CEP135: variants seen among roughly 807,000 people sequenced by gnomAD.
CEP135 encodes the protein centrosomal protein of 135 kDa.
Under a neutral mutation model 157.3 loss-of-function variants are expected in CEP135, and 142 were observed. That is an observed-to-expected ratio of 0.90 (90% CI 0.79 to 1.04). The LOEUF is 1.04. Ranked by LOEUF, CEP135 falls within the 50% of genes least tolerant of loss-of-function variation. The pLI, the probability that CEP135 is intolerant of heterozygous loss-of-function variation, is 0.00. For synonymous variants in CEP135, 396 were observed against 439.8 expected, an observed-to-expected ratio of 0.90 and a Z score of 1.25; for missense variants, 1,317 against 1,309.2, an observed-to-expected ratio of 1.01 and a Z score of -0.09.
intron 25 of CEP135, among the ~76,000 whole-genome samples, chr4:56,024,991 T>C (rs1298046088): frequency 6.6e-6 from 1 of 151,788 alleles, no homozygotes; most frequent in Non-Finnish European, 1.5e-5. Context: ...ATACAAAAAT[T>C]AGCCAGGCAT....
chr4:56,019,271 A>C, intron 22 of CEP135, 82 bp from the exon 23 acceptor site: 1 of 1,043,020 alleles, frequency 9.6e-7, no homozygotes, highest in South Asian at 1.7e-5. Flanking sequence ...ATAGTTCCAC[A>C]GAGCTATATT....
intron 18 of CEP135, among the ~76,000 whole-genome samples, chr4:56,008,605 C>A (rs941590165): frequency 2.0e-5 from 3 of 152,138 alleles, no homozygotes; most frequent in Non-Finnish European, 4.4e-5. Flanking sequence ...ATTAACTATT[C>A]TCCTATATAC....
Position 56,019,469 on chromosome 4 carries a change from A to C in CEP135, c.3129A>C (p.Lys1043Asn), listed in dbSNP as rs201480537. Residue 1043 changes from lysine to asparagine, a missense_variant, in exon 23 of 26, where the codon AAA becomes AAC. Transcript: ENST00000257287. ...LESLLATNRD[K>N]EFHSHLTSHE... ...CATTGTTGGCTACAAACAGAGATAA[A>C]GAATTTCATTCTCACTTAACCTCCC... is the stretch of plus-strand genomic sequence containing the variant. 3.6e-5 allele frequency: 58 copies of C among 1,614,080 alleles called. No individual in the cohort carries two copies. The East Asian group carries it at 7.4e-4, about 20-fold the overall frequency.
At position 55,985,284 on chromosome 4, in the gene CEP135, A is replaced by T. The variant is rs766487835; in HGVS notation, c.1783A>T (p.Ile595Phe). 1.9e-6 allele frequency: 3 copies of T among 1,546,344 alleles called. No individual in the cohort carries two copies. The Admixed American group carries it at 5.1e-5, about 26-fold the overall frequency. ...TTTCTTTAACATTCTTTTTCAGCAT[A>T]TTGAAGAAGTGAGTCTTTTTGGAAA... is the stretch of plus-strand genomic sequence containing the variant. ...KEALREKLEH[I>F]EEVSLFGKSE... Residue 595 changes from isoleucine to phenylalanine, a missense_variant, in exon 14 of 26, where the codon ATT becomes TTT. By Grantham distance (21) the Ile-to-Phe change is conservative. Coordinates refer to ENST00000257287, the MANE Select transcript of CEP135 (RefSeq NM_025009.5).
chr4:55,974,909 A>G lies in CEP135; in HGVS notation c.1413A>G (p.Arg471=). The G allele has an allele frequency of 6.2e-7, 1 of 1,613,246 alleles. No homozygotes were observed. Among genetic ancestry groups the G allele is most frequent in the Non-Finnish European group, 8.5e-7 (1 of 1,179,588 alleles). The change falls in exon 11 of 26, where the codon AGA becomes AGG. Residue 471 remains arginine, a synonymous_variant. Coordinates refer to ENST00000257287, the MANE Select transcript of CEP135 (RefSeq NM_025009.5). The part of the protein sequence containing the change: ...LERLQHIIQR[R]SCSTSYSARE... ...GACTCCAACATATAATACAGCGAAG[A>G]TCTTGCTCTACAAGTTATAGCGCAC...
intron 1 of CEP135, 120 bp from the exon 2 acceptor site, chr4:55,951,966 G>T: frequency 2.2e-6 from 1 of 460,296 alleles, no homozygotes; most frequent in Non-Finnish European, 4.0e-6. Flanking sequence ...TTTCCAGAAG[G>T]CTACCTACCT....
chr4:56,017,717 G>T lies in CEP135; in HGVS notation c.2872G>T (p.Glu958Ter). Residue 958 changes from glutamate to a stop codon, truncating the protein, a stop_gained, in exon 22 of 26, where the codon GAA becomes TAA. Transcript: ENST00000257287. LOFTEE classifies it high-confidence loss of function. Reference sequence around the variant, plus strand: ...GGCAAAAGCCATGTCTCGATTAGAAGAAGAGCTGAGACATCAAGAAGATGA... The same window carrying T: ...GGCAAAAGCCATGTCTCGATTAGAATAAGAGCTGAGACATCAAGAAGATGA... Reference protein sequence around the residue: ...SMAKAMSRLEEELRHQEDEKA... With the variant: ...SMAKAMSRLE 6.2e-7 allele frequency: 1 copy of T among 1,613,878 alleles called. No individual in the cohort carries two copies.
Position 55,957,208 on chromosome 4 carries a change from A to C in CEP135, c.473-15A>C. On this transcript the variant is annotated splice_polypyrimidine_tract_variant and intron_variant, in intron 4 of 25. Coordinates refer to ENST00000257287, the MANE Select transcript of CEP135 (RefSeq NM_025009.5). ...TTGTTTCTTCTTAGTTTTTTAAGAC[A>C]CTCATTCTTTTTAGGTGGCAAGAAA... The C allele has an allele frequency of 5.6e-6, 9 of 1,609,834 alleles. No individual in the cohort carries two copies. The highest frequency in any genetic ancestry group is 7.6e-6 in the Non-Finnish European group (9 of 1,178,938).
intron 8 of CEP135, 45 bp downstream of exon 8, chr4:55,965,904 C>T: frequency 6.9e-7 from 1 of 1,459,428 alleles, no homozygotes; most frequent in Non-Finnish European, 9.5e-7. Flanking sequence ...CATTAATTCT[C>T]CTAGCACACG....
intron 13 of CEP135, among the ~76,000 whole-genome samples, chr4:55,984,343 C>T (rs1242804480): frequency 2.0e-5 from 3 of 152,098 alleles, no homozygotes; most frequent in Non-Finnish European, 4.4e-5. Flanking sequence ...TCTTTAAGTC[C>T]AGGCCAAACA....
chr4:55,963,613 G>C (rs1300014967), intron 6 of CEP135, among the ~76,000 whole-genome samples: 1 of 152,160 alleles, frequency 6.6e-6, no homozygotes, highest in Non-Finnish European at 1.5e-5. Context: ...AGGCGTGGTG[G>C]CACATACCTG....
intron 3 of CEP135, 146 bp from the exon 4 acceptor site, chr4:55,954,067 TAGA>T (rs1394246890): frequency 2.6e-5 from 16 of 614,922 alleles, no homozygotes; most frequent in Non-Finnish European, 3.8e-5. Context: ...TTAATAATAG[TAGA>T]AGAAGGAATA....
chr4:56,011,472 C>T lies in CEP135; in HGVS notation c.2566C>T (p.His856Tyr), dbSNP rs766370342. 1.1e-5 allele frequency: 18 copies of T among 1,611,314 alleles called. No individual in the cohort carries two copies. The highest frequency in any genetic ancestry group is 1.4e-5 in the Non-Finnish European group (16 of 1,179,340). ...AAAAGAAGAAATGAAGAGCAGAGTT[C>T]ATAAATACATAACAGAGGTGTCACG... ...QEKEEMKSRV[H>Y]KYITEVSRWE... The change falls in exon 20 of 26, where the codon CAT becomes TAT. Residue 856 changes from histidine to tyrosine, a missense_variant. His to Tyr is a moderately conservative substitution (Grantham distance 83, BLOSUM62 2). Coordinates refer to ENST00000257287, the MANE Select transcript of CEP135 (RefSeq NM_025009.5).
intron 8 of CEP135, 102 bp from the exon 9 acceptor site, chr4:55,968,961 A>G: frequency 1.3e-6 from 1 of 746,864 alleles, no homozygotes; most frequent in Non-Finnish European, 2.1e-6. Context: ...CTCACTGGTA[A>G]GAGGGAACGT....
At chr4:55,976,153 C>T (rs1286319401) in intron 11 of CEP135, among the ~76,000 whole-genome samples, 1 of 151,108 alleles carries the variant, frequency 6.6e-6, no homozygotes, top group African/African-American at 2.4e-5. Flanking sequence ...ACTAGGAAGG[C>T]TGAGGCAAGG....
intron 18 of CEP135, 114 bp from the exon 19 acceptor site, chr4:56,009,618 TTTC>T: frequency 1.2e-6 from 1 of 859,194 alleles, no homozygotes; most frequent in East Asian, 2.8e-5. Flanking sequence ...GCAGTTATAA[TTTC>T]TTATAATCAC....
In CEP135 at chr4:55,964,349, C is replaced by T. The variant is rs1396947017; in HGVS notation, c.775C>T (p.Leu259=). The part of the protein sequence containing the change: ...DGGRSPDVLS[L]ESRNKTNEKL... ...TGGTCGGTCCCCTGATGTCCTTTCT[C>T]TGGAGTCTAGAAATAAAACCAATGA... Residue 259 remains leucine, a synonymous_variant, in exon 7 of 26, where the codon CTG becomes TTG. Coordinates refer to ENST00000257287, the MANE Select transcript of CEP135 (RefSeq NM_025009.5). 1 of 1,612,984 alleles carries T rather than the reference C, an allele frequency of 6.2e-7. No individual in the cohort carries two copies. Among genetic ancestry groups the T allele is most frequent in the Non-Finnish European group, 8.5e-7 (1 of 1,179,272 alleles).
intron 14 of CEP135, among the ~76,000 whole-genome samples, chr4:55,986,570 G>A (rs1331495553): frequency 6.6e-6 from 1 of 152,042 alleles, no homozygotes; most frequent in African/African-American, 2.4e-5. Context: ...ATTATACAGA[G>A]GTAGAGTAAA....
intron 15 of CEP135, among the ~76,000 whole-genome samples, chr4:55,997,639 G>A (rs1026494130): frequency 3.9e-5 from 6 of 152,194 alleles, no homozygotes; most frequent in African/African-American, 1.2e-4. Flanking sequence ...TATAATGTTA[G>A]ACTAGCCTTA....
Sources: allele counts gnomAD v4.1 joint callset (sites outside exome capture counted in the v4.1 genomes callset), GRCh38; gene constraint gnomAD v4.1.1; transcripts MANE v1.5; gene names NCBI Gene and HGNC (gene_info 2026-07-23, HGNC 2026-07-21).